MLLT10: variants seen among roughly 807,000 people sequenced by gnomAD.
MLLT10 encodes the protein MLLT10 histone lysine methyltransferase DOT1L cofactor, also known as protein AF-10.
Under a neutral mutation model 129.1 loss-of-function variants are expected in MLLT10, and 30 were observed. The ratio of observed to expected loss-of-function variants is 0.23; its 90% CI spans 0.17 to 0.32. The LOEUF (loss-of-function observed/expected upper bound fraction) is 0.32. Ranked by LOEUF, MLLT10 falls within the 10% of genes least tolerant of loss-of-function variation. The probability of loss-of-function intolerance (pLI) is 1.00; values close to 1 mark genes in which losing one functional copy is unlikely to be tolerated. For synonymous variants in MLLT10, 490 were observed against 446.4 expected (o/e 1.10, Z -1.23); for missense variants, 1,119 against 1,268.3 (o/e 0.88, Z 1.79).
rs2058160157 is a variant in MLLT10, at chr10:21,734,100, A to G, written c.2829A>G (p.Thr943=). 1 of 1,612,030 alleles carries G rather than the reference A, an allele frequency of 6.2e-7. No individual in the cohort carries two copies. Among genetic ancestry groups the G allele is most frequent in the African/African-American group, 1.3e-5 (1 of 74,914 alleles). ...ACACAACCGTACCACCTAATGCAAC[A>G]CATCCAATGCCAGCTACACTGACTA... ...LTHTTVPPNA[T]HPMPATLTNS... The change falls in exon 20 of 23, where the codon ACA becomes ACG. Residue 943 remains threonine, a synonymous_variant. Coordinates refer to ENST00000307729, the MANE Select transcript of MLLT10 (RefSeq NM_001195626.3).
At chr10:21,665,867 A>G (rs1305417584) in intron 9 of MLLT10, among the ~76,000 whole-genome samples, 1 of 151,934 alleles carries the variant, frequency 6.6e-6, no homozygotes, top group Non-Finnish European at 1.5e-5. Context: ...AGCTGAGACT[A>G]CAGGTGCAGC....
chr10:21,647,117 A>C (rs574129575), intron 8 of MLLT10, among the ~76,000 whole-genome samples: 1 of 151,986 alleles, frequency 6.6e-6, no homozygotes, highest in Admixed American at 6.6e-5. Flanking sequence ...CGGCCTCCCA[A>C]AGTGCTGGGA....
intron 15 of MLLT10, among the ~76,000 whole-genome samples, chr10:21,727,250 TATG>T (rs1467458526): frequency 6.6e-6 from 1 of 152,228 alleles, no homozygotes; most frequent in Non-Finnish European, 1.5e-5. Context: ...AGCAGAGATA[TATG>T]ATATTACCTA....
At chr10:21,590,637 C>T (rs2042406500) in intron 4 of MLLT10, among the ~76,000 whole-genome samples, 1 of 152,150 alleles carries the variant, frequency 6.6e-6, no homozygotes, top group African/African-American at 2.4e-5. Flanking sequence ...CCACACCCGG[C>T]CGCCAGTAGT....
chr10:21,713,720 G>C (rs113888090), intron 13 of MLLT10, 52 bp from the exon 14 acceptor site: 1 of 1,520,798 alleles, frequency 6.6e-7, no homozygotes. Context: ...ATGTGTGTCT[G>C]TGACAAATTT....
intron 4 of MLLT10, among the ~76,000 whole-genome samples, chr10:21,591,106 GGA>G (rs2042447139): frequency 6.6e-6 from 1 of 152,144 alleles, no homozygotes; most frequent in East Asian, 1.9e-4. Context: ...CACCCAGGCT[GGA>G]GGGCAGTGGT....
chr10:21,626,412 G>C, intron 8 of MLLT10: 1 of 610,024 alleles, frequency 1.6e-6, no homozygotes, highest in South Asian at 2.0e-5. Context: ...TGGCAAAGAA[G>C]CTGAAGGGGA....
intron 13 of MLLT10, among the ~76,000 whole-genome samples, chr10:21,685,951 A>G (rs2053250627): frequency 6.6e-6 from 1 of 152,212 alleles, no homozygotes; most frequent in South Asian, 2.1e-4. Context: ...AAAATAAATT[A>G]TTAAAGAACC....
At chr10:21,546,448 A>G (rs1002729908) in intron 3 of MLLT10, among the ~76,000 whole-genome samples, 2 of 151,628 alleles carry the variant, frequency 1.3e-5, no homozygotes, top group African/African-American at 4.8e-5. Context: ...TCTGTGGCCC[A>G]GGCTGGAGTG....
rs543739474 is a variant in MLLT10, at chr10:21,550,586, C to G, written c.240+11674C>G. Among the ~76,000 whole-genome samples the G allele has an allele frequency of 3.9e-5, 6 of 152,272 alleles. No homozygotes were observed. The South Asian group carries it at 6.2e-4, about 16-fold the overall frequency. ...TTGCCCTGTTACCCAGGCTAGAGTG[C>G]AGTGATGCAATCTCAGCTCACTTCA... is the stretch of plus-strand genomic sequence containing the variant. On this transcript the variant is annotated intron_variant, in intron 3 of 22. Coordinates refer to ENST00000307729, the MANE Select transcript of MLLT10 (RefSeq NM_001195626.3).
At chr10:21,538,650 A>T (rs2034535332) in intron 2 of MLLT10, among the ~76,000 whole-genome samples, 183 bp from the exon 3 acceptor site, 1 of 152,110 alleles carries the variant, frequency 6.6e-6, no homozygotes, top group African/African-American at 2.4e-5. Flanking sequence ...TGCATTTAAA[A>T]TTTTTACTTG....
intron 13 of MLLT10, among the ~76,000 whole-genome samples, chr10:21,690,177 A>C (rs2053719489): frequency 6.6e-6 from 1 of 152,072 alleles, no homozygotes; most frequent in Non-Finnish European, 1.5e-5. Flanking sequence ...AAAATAGTGA[A>C]GTCTTAATAG....
At chr10:21,641,513 T>C (rs1296078548) in intron 8 of MLLT10, among the ~76,000 whole-genome samples, 1 of 152,024 alleles carries the variant, frequency 6.6e-6, no homozygotes, top group Non-Finnish European at 1.5e-5. Flanking sequence ...AAAACATAGC[T>C]GAATGTGTGG....
intron 3 of MLLT10, among the ~76,000 whole-genome samples, chr10:21,558,375 C>T (rs1320626836): frequency 4.6e-5 from 7 of 151,892 alleles, no homozygotes; most frequent in Non-Finnish European, 1.0e-4. Context: ...CCTATTCATT[C>T]ACTCTTTAAG....
At chr10:21,559,361 A>G (rs2038498108) in intron 3 of MLLT10, among the ~76,000 whole-genome samples, 2 of 152,228 alleles carry the variant, frequency 1.3e-5, no homozygotes. Flanking sequence ...TACAGGCATG[A>G]GCCACTGCGC....
chr10:21,711,347 C>T (rs1054429046), intron 13 of MLLT10, among the ~76,000 whole-genome samples: 43 of 149,480 alleles, frequency 2.9e-4, no homozygotes, highest in African/African-American at 9.6e-4. Context: ...CACTTGAACC[C>T]GCGGGTAGAG....
chr10:21,597,667 C>T (rs921336107), intron 5 of MLLT10, among the ~76,000 whole-genome samples: 21 of 152,158 alleles, frequency 1.4e-4, no homozygotes, highest in South Asian at 4.2e-4. Context: ...CCACCCCACC[C>T]GGGTCTCTTT....
intron 3 of MLLT10, chr10:21,551,754 C>CTTT: frequency 5.8e-6 from 2 of 342,084 alleles, no homozygotes; most frequent in Admixed American, 4.2e-5. Context: ...TGTGTTTAGA[C>CTTT]TTTTTTTTTT....
intron 3 of MLLT10, among the ~76,000 whole-genome samples, chr10:21,543,748 G>T (rs555439210): frequency 4.7e-4 from 71 of 152,208 alleles, no homozygotes; most frequent in African/African-American, 1.6e-3. Flanking sequence ...CAAAGTGCTG[G>T]GATTACCATT....
Sources: gnomAD v4.1 joint callset for allele counts (sites outside exome capture counted in the v4.1 genomes callset) on GRCh38, gnomAD v4.1.1 for gene constraint, MANE v1.5 for transcripts, NCBI Gene and HGNC (gene_info 2026-07-23, HGNC 2026-07-21) for gene names.